MALRD1: variants seen among roughly 807,000 people sequenced by gnomAD.
MALRD1 encodes MAM and LDL-receptor class A domain-containing protein 1.
MALRD1 carries 247 observed loss-of-function variants against 242.1 expected under a neutral mutation model. That is an observed-to-expected ratio of 1.02 (90% confidence interval 0.92 to 1.13). The LOEUF (loss-of-function observed/expected upper bound fraction) is 1.13. MALRD1 is among the 50% of genes most tolerant of loss of function. The pLI is 0.00. For synonymous variants in MALRD1, 995 were observed against 866.6 expected (o/e 1.15, Z -2.60); for missense variants, 2,989 against 2,533.1 (o/e 1.18, Z -3.86).
chr10:19,426,808 C>T (rs1247834809), intron 28 of MALRD1, among the ~76,000 whole-genome samples: 2 of 152,062 alleles, frequency 1.3e-5, no homozygotes, highest in Non-Finnish European at 2.9e-5. Flanking sequence ...CAAACAAAAA[C>T]ATTCAGGCTT....
rs537792761 is a variant in MALRD1, at chr10:19,326,125, A to G, written c.3577-1438A>G. On this transcript the variant is annotated intron_variant, in intron 22 of 39. Transcript: ENST00000454679. The stretch of plus-strand genomic sequence containing the variant: ...CACGCATGGTTATGTTTAATAATCT[A>G]AAGACATCCAAATGGGCTTCTGGGT... Among the ~76,000 whole-genome samples the G allele has an allele frequency of 1.6e-4, 24 of 152,274 alleles. No homozygotes were observed. In the South Asian group the frequency reaches 3.5e-3, roughly 22 times the overall value.
chr10:19,249,541 G>A (rs973796759), intron 18 of MALRD1, among the ~76,000 whole-genome samples: 5 of 151,948 alleles, frequency 3.3e-5, no homozygotes, highest in Admixed American at 1.3e-4. Context: ...AGCTTATAAT[G>A]TGCTAGTTAC....
intron 35 of MALRD1, among the ~76,000 whole-genome samples, chr10:19,611,619 G>C (rs778298552): frequency 2.0e-5 from 3 of 151,978 alleles, no homozygotes; most frequent in Non-Finnish European, 4.4e-5. Context: ...TTATCCCATA[G>C]ATTCCCAGTT....
chr10:19,300,486 G>A (rs1841901177), intron 21 of MALRD1, among the ~76,000 whole-genome samples: 1 of 151,856 alleles, frequency 6.6e-6, no homozygotes, highest in African/African-American at 2.4e-5. Context: ...AACTAAAATA[G>A]AATAGTGCTG....
intron 18 of MALRD1, among the ~76,000 whole-genome samples, chr10:19,239,675 A>G (rs1588759118): frequency 6.6e-6 from 1 of 152,244 alleles, no homozygotes; most frequent in African/African-American, 2.4e-5. Flanking sequence ...TGATTTTTGT[A>G]TAAGGTAAAA....
rs541810782 is a variant in MALRD1, at chr10:19,489,006, C to T, written c.5030-2511C>T. ...GCTCCCAATCCGGTTCTATCCGGTTCTCCCACCATCCCCCGCCAGGGGTCT... is the reference window on the plus strand; with the variant it reads ...GCTCCCAATCCGGTTCTATCCGGTTTTCCCACCATCCCCCGCCAGGGGTCT... On this transcript the variant is annotated intron_variant, in intron 29 of 39. Transcript: ENST00000454679. The T allele has an allele frequency of 7.7e-4, 349 of 455,816 alleles. 8 individuals are homozygous for T. The highest frequency in any genetic ancestry group is 5.1e-3 in the South Asian group (332 of 64,484). The allele number at this position is 455,816 out of a possible 1,614,324, so 28.2% of individuals were successfully genotyped here. A position where few individuals can be genotyped will look rare whatever the true frequency, so the allele number is the denominator to read the frequency against.
intron 28 of MALRD1, among the ~76,000 whole-genome samples, chr10:19,449,187 A>G (rs953854381): frequency 1.3e-5 from 2 of 152,056 alleles, no homozygotes; most frequent in Non-Finnish European, 1.5e-5. Flanking sequence ...TTATTTATTT[A>G]TTTATTTTGA....
chr10:19,559,894 C>T (rs1418183261), intron 32 of MALRD1, among the ~76,000 whole-genome samples: 2 of 152,148 alleles, frequency 1.3e-5, no homozygotes, highest in Non-Finnish European at 2.9e-5. Flanking sequence ...AAAAAAAGCT[C>T]ATCATCACTG....
chr10:19,303,492 A>G (rs944823667), intron 21 of MALRD1, among the ~76,000 whole-genome samples: 3 of 151,754 alleles, frequency 2.0e-5, no homozygotes, highest in East Asian at 1.9e-4. Flanking sequence ...TAGACAAAAC[A>G]GTAAATACAT....
intron 28 of MALRD1, among the ~76,000 whole-genome samples, chr10:19,414,350 A>T (rs1290999548): frequency 6.6e-6 from 1 of 152,192 alleles, no homozygotes; most frequent in East Asian, 1.9e-4. Flanking sequence ...GATAAATTTT[A>T]AAAAATATAT....
intron 8 of MALRD1, among the ~76,000 whole-genome samples, chr10:19,129,937 GATAT>G (rs34413523): frequency 2.7e-5 from 4 of 148,464 alleles, no homozygotes; most frequent in Admixed American, 6.8e-5. Context: ...ATGTGGATGT[GATAT>G]ATATATATAT....
intron 29 of MALRD1, among the ~76,000 whole-genome samples, chr10:19,479,699 A>T (rs1481519232): frequency 6.6e-6 from 1 of 152,216 alleles, no homozygotes; most frequent in Non-Finnish European, 1.5e-5. Flanking sequence ...CCAAAAAAAC[A>T]TAATCCAGGA....
chr10:19,350,177 AT>A (rs953271456), intron 25 of MALRD1, among the ~76,000 whole-genome samples: 3 of 150,610 alleles, frequency 2.0e-5, no homozygotes, highest in Admixed American at 6.6e-5. Flanking sequence ...GAGATAATCA[AT>A]TTTTTTTTCT....
At chr10:19,281,709 C>G (rs889599963) in intron 20 of MALRD1, among the ~76,000 whole-genome samples, 1 of 152,022 alleles carries the variant, frequency 6.6e-6, no homozygotes, top group East Asian at 1.9e-4. Context: ...CAGTGGCTCA[C>G]GCCTGTAATC....
chr10:19,596,891 AGGAAAGAT>A (rs1444379731), intron 34 of MALRD1, among the ~76,000 whole-genome samples: 9 of 151,944 alleles, frequency 5.9e-5, no homozygotes, highest in South Asian at 2.1e-4. Context: ...AAAGGAAGGA[AGGAAAGAT>A]GGAAAGATGG....
intron 21 of MALRD1, among the ~76,000 whole-genome samples, chr10:19,299,993 C>T (rs1049951517): frequency 2.0e-5 from 3 of 151,938 alleles, no homozygotes; most frequent in African/African-American, 7.2e-5. Context: ...CCAGAGGCTC[C>T]TGGATTGAAG....
intron 33 of MALRD1, among the ~76,000 whole-genome samples, chr10:19,584,452 A>T (rs1317263810): frequency 1.3e-5 from 2 of 152,090 alleles, no homozygotes; most frequent in Admixed American, 1.3e-4. Context: ...TTCAAAGAAC[A>T]TCTTTATTTC....
chr10:19,138,027 C>G (rs1320746109), intron 10 of MALRD1, among the ~76,000 whole-genome samples: 3 of 152,182 alleles, frequency 2.0e-5, no homozygotes, highest in African/African-American at 4.8e-5. Flanking sequence ...GTGAAAAGCT[C>G]TGTATAATTG....
intron 29 of MALRD1, among the ~76,000 whole-genome samples, chr10:19,485,446 A>T (rs1299352244): frequency 2.0e-5 from 3 of 152,160 alleles, no homozygotes; most frequent in Non-Finnish European, 4.4e-5. Context: ...GATCGAGACC[A>T]TTCTGGCTAA....
Sources: allele counts gnomAD v4.1 joint callset (sites outside exome capture counted in the v4.1 genomes callset), GRCh38; gene constraint gnomAD v4.1.1; transcripts MANE v1.5; gene names NCBI Gene and HGNC (gene_info 2026-07-23, HGNC 2026-07-21).